ATP6V1H: variants seen among roughly 807,000 people sequenced by gnomAD.
ATP6V1H encodes the protein V-type proton ATPase subunit H.
Under a neutral mutation model 71.7 loss-of-function variants are expected in ATP6V1H, and 39 were observed. That is an observed-to-expected ratio of 0.54 (90% CI 0.42 to 0.71). The LOEUF (loss-of-function observed/expected upper bound fraction) is 0.71, where lower values mean the gene tolerates loss of function less well. Ranked by LOEUF, ATP6V1H falls within the 30% of genes least tolerant of loss-of-function variation. The probability of loss-of-function intolerance (pLI) is 0.00; values close to 1 mark genes in which losing one functional copy is unlikely to be tolerated. For missense variants in ATP6V1H, 509 were observed against 594.9 expected (o/e 0.86, Z 1.50); for synonymous variants, 192 against 199.3 (o/e 0.96, Z 0.31).
intron 2 of ATP6V1H, among the ~76,000 whole-genome samples, chr8:53,834,356 G>C (rs1811094007): frequency 6.6e-6 from 1 of 152,222 alleles, no homozygotes; most frequent in Non-Finnish European, 1.5e-5. Context: ...ATGGGTAAAA[G>C]CAAGTGTAAA....
rs192825291 is a variant in ATP6V1H at position 53,793,219 on chromosome 8, A to C, written c.870+2428T>G. Among the ~76,000 whole-genome samples the C allele has an allele frequency of 2.2e-3, 339 of 152,374 alleles. 2 individuals are homozygous for C. The highest frequency in any genetic ancestry group is 7.9e-3 in the African/African-American group (328 of 41,588). On this transcript the variant is annotated intron_variant, in intron 9 of 13. Transcript: ENST00000359530. ...AATTTAAAACAATGATTTAGTTTTT[A>C]AACCAAGATTTTGTAAAAATTAAAA...
At chr8:53,829,226 T>C (rs773706293) in intron 4 of ATP6V1H, among the ~76,000 whole-genome samples, 1 of 152,196 alleles carries the variant, frequency 6.6e-6, no homozygotes, top group Non-Finnish European at 1.5e-5. Flanking sequence ...ATATACATAT[T>C]GATTACTTGG....
At chr8:53,767,993 T>A (rs779038927) in intron 11 of ATP6V1H, among the ~76,000 whole-genome samples, 1 of 152,190 alleles carries the variant, frequency 6.6e-6, no homozygotes, top group Non-Finnish European at 1.5e-5. Flanking sequence ...AACAAAGTGA[T>A]AAGATAACCC....
intron 4 of ATP6V1H, among the ~76,000 whole-genome samples, chr8:53,828,117 T>TA (rs1810881718): frequency 6.6e-6 from 1 of 152,200 alleles, no homozygotes; most frequent in Non-Finnish European, 1.5e-5. Context: ...TTCCTTTGAG[T>TA]ATCTACCCAA....
chr8:53,814,421 A>G (rs1226202202), intron 6 of ATP6V1H, among the ~76,000 whole-genome samples: 1 of 152,120 alleles, frequency 6.6e-6, no homozygotes, highest in African/African-American at 2.4e-5. Context: ...TGACCCCTGA[A>G]AAGCATGACT....
chr8:53,780,983 T>C (rs994309699), intron 9 of ATP6V1H, among the ~76,000 whole-genome samples: 3 of 152,246 alleles, frequency 2.0e-5, no homozygotes, highest in Admixed American at 6.5e-5. Flanking sequence ...CTATTGTGAA[T>C]AGAGCTGCAA....
intron 7 of ATP6V1H, among the ~76,000 whole-genome samples, chr8:53,810,123 G>C (rs1167635062): frequency 6.6e-6 from 1 of 152,122 alleles, no homozygotes; most frequent in South Asian, 2.1e-4. Flanking sequence ...AGCTTCACTT[G>C]GGTCTATTGC....
rs180818361 is a variant in ATP6V1H at position 53,841,292 on chromosome 8, C to T, written c.113+286G>A. ...CTCATCCCCTTCCTCCCTCCGTTAGCCCAAGGACATTCCTCCTATGTTTCC... is the reference window on the plus strand; with the variant it reads ...CTCATCCCCTTCCTCCCTCCGTTAGTCCAAGGACATTCCTCCTATGTTTCC... On this transcript the variant is annotated intron_variant, in intron 2 of 13. Coordinates refer to ENST00000359530, the MANE Select transcript of ATP6V1H (RefSeq NM_015941.4). Among the ~76,000 whole-genome samples, 324 of 152,276 alleles carry T rather than the reference C, an allele frequency of 2.1e-3. 2 individuals are homozygous for T. The highest frequency in any genetic ancestry group is 7.4e-3 in the African/African-American group (308 of 41,550).
intron 9 of ATP6V1H, among the ~76,000 whole-genome samples, chr8:53,788,434 A>T (rs1809451138): frequency 6.6e-6 from 1 of 152,228 alleles, no homozygotes; most frequent in Non-Finnish European, 1.5e-5. Context: ...TTTAAATCAA[A>T]CAAAACAGCA....
At chr8:53,814,616 G>T in intron 6 of ATP6V1H, 46 bp downstream of exon 6, 1 of 1,017,964 alleles carries the variant, frequency 9.8e-7, no homozygotes, top group Non-Finnish European at 1.5e-6. Context: ...AAAAGAACAC[G>T]GATGTTATAT....
At chr8:53,746,540 C>T (rs939357357) in intron 12 of ATP6V1H, among the ~76,000 whole-genome samples, 5 of 152,236 alleles carry the variant, frequency 3.3e-5, no homozygotes, top group Non-Finnish European at 7.3e-5. Flanking sequence ...GCTGGGATTA[C>T]AGGCATGAGC....
chr8:53,792,722 T>C (rs1304791950), intron 9 of ATP6V1H, among the ~76,000 whole-genome samples: 2 of 152,178 alleles, frequency 1.3e-5, no homozygotes, highest in African/African-American at 4.8e-5. Flanking sequence ...TTGGTTTCCT[T>C]ATCAATAAAA....
At chr8:53,837,125 G>C (rs1271044360) in intron 2 of ATP6V1H, among the ~76,000 whole-genome samples, 1 of 151,194 alleles carries the variant, frequency 6.6e-6, no homozygotes, top group Non-Finnish European at 1.5e-5. Context: ...TGGGCGACAA[G>C]AGTGAAACTC....
At chr8:53,754,218 C>T (rs1807911014) in intron 12 of ATP6V1H, among the ~76,000 whole-genome samples, 1 of 152,070 alleles carries the variant, frequency 6.6e-6, no homozygotes, top group Admixed American at 6.5e-5. Context: ...GTGCAAAAGG[C>T]TTATTGGGAA....
intron 1 of ATP6V1H, 82 bp from the exon 2 acceptor site, chr8:53,841,807 G>A (rs3824121): frequency 0.042 from 53,716 of 1,283,702 alleles, 4,068 homozygotes; most frequent in East Asian, 0.3. Flanking sequence ...TATGAATATC[G>A]TGATCACTTT....
intron 9 of ATP6V1H, among the ~76,000 whole-genome samples, chr8:53,776,411 C>T (rs1306683725): frequency 1.3e-5 from 2 of 152,204 alleles, no homozygotes; most frequent in South Asian, 2.1e-4. Flanking sequence ...GCAGAGGAGG[C>T]GCTGAAAGCA....
intron 12 of ATP6V1H, among the ~76,000 whole-genome samples, chr8:53,748,544 T>G (rs941122920): frequency 1.3e-5 from 2 of 152,168 alleles, no homozygotes; most frequent in African/African-American, 4.8e-5. Context: ...AAGATTTGAG[T>G]GAACTAGAGC....
chr8:53,767,046 C>T (rs1321101172), intron 11 of ATP6V1H, among the ~76,000 whole-genome samples: 4 of 152,108 alleles, frequency 2.6e-5, no homozygotes, highest in African/African-American at 7.2e-5. Context: ...TGGGGCATCA[C>T]GGATCCTACC....
intron 12 of ATP6V1H, among the ~76,000 whole-genome samples, chr8:53,754,812 T>C (rs1382900140): frequency 6.6e-6 from 1 of 152,186 alleles, no homozygotes; most frequent in Non-Finnish European, 1.5e-5. Flanking sequence ...CCTAGCTGGA[T>C]GATAAACCTT....
Sources: allele counts gnomAD v4.1 joint callset (sites outside exome capture counted in the v4.1 genomes callset), GRCh38; gene constraint gnomAD v4.1.1; transcripts MANE v1.5; gene names NCBI Gene and HGNC (gene_info 2026-07-23, HGNC 2026-07-21).